The following SLC35F4 variants were observed in gnomAD, a reference collection of about 807,000 sequenced individuals.
The protein encoded by SLC35F4 is chromosome 14 open reading frame 36.
Under a neutral mutation model 44.2 loss-of-function variants are expected in SLC35F4, and 24 were observed. The ratio of observed to expected loss-of-function variants is 0.54; its 90% CI spans 0.39 to 0.76. The LOEUF (loss-of-function observed/expected upper bound fraction) is 0.76. SLC35F4 is among the 30% of genes least tolerant of loss of function. SLC35F4 has a pLI of 0.00. For synonymous variants in SLC35F4, 238 were observed against 223.6 expected, an observed-to-expected ratio of 1.06 and a Z score of -0.57; for missense variants, 562 against 586.1, an observed-to-expected ratio of 0.96 and a Z score of 0.42.
intron 1 of SLC35F4, among the ~76,000 whole-genome samples, chr14:57,613,275 C>G (rs1239668544): frequency 6.6e-6 from 1 of 152,128 alleles, no homozygotes; most frequent in Admixed American, 6.5e-5. Flanking sequence ...CTTACTAGAG[C>G]ATTTATATAA....
chr14:57,629,491 A>G (rs1202516783), intron 1 of SLC35F4, among the ~76,000 whole-genome samples: 2 of 152,176 alleles, frequency 1.3e-5, no homozygotes, highest in East Asian at 1.9e-4. Flanking sequence ...AGAACATACA[A>G]TATCTTCCAG....
At chr14:57,862,650 GATGTCC>G (rs1887782429) in intron 1 of SLC35F4, among the ~76,000 whole-genome samples, 1 of 152,170 alleles carries the variant, frequency 6.6e-6, no homozygotes, top group African/African-American at 2.4e-5. Context: ...TGTTCTTCTG[GATGTCC>G]ATATGGCTAA....
intron 1 of SLC35F4, among the ~76,000 whole-genome samples, chr14:57,843,970 A>G (rs141595140): frequency 0.019 from 2,918 of 152,224 alleles, 98 homozygotes; most frequent in African/African-American, 0.066. Flanking sequence ...CTACATGAAC[A>G]TGTACTCGTC....
chr14:57,939,551 T>C (rs1889878035), intron 1 of SLC35F4, among the ~76,000 whole-genome samples: 1 of 152,188 alleles, frequency 6.6e-6, no homozygotes, highest in South Asian at 2.1e-4. Context: ...ACCCTCTCCC[T>C]GCATATCCCT....
At chr14:57,617,704 G>A (rs1346780510) in intron 1 of SLC35F4, among the ~76,000 whole-genome samples, 1 of 152,160 alleles carries the variant, frequency 6.6e-6, no homozygotes, top group African/African-American at 2.4e-5. Context: ...GGTAGAGTGG[G>A]TCTGTATGAG....
intron 1 of SLC35F4, among the ~76,000 whole-genome samples, chr14:57,756,770 T>C (rs1431687814): frequency 6.6e-6 from 1 of 152,072 alleles, no homozygotes; most frequent in Non-Finnish European, 1.5e-5. Flanking sequence ...CCCTCCCATC[T>C]TGGCCTCCCA....
intron 1 of SLC35F4, among the ~76,000 whole-genome samples, chr14:57,697,930 T>C (rs948988297): frequency 6.6e-6 from 1 of 152,086 alleles, no homozygotes; most frequent in African/African-American, 2.4e-5. Context: ...AATAAATGAG[T>C]GCTTAAGACA....
At chr14:57,607,227 C>G (rs1325054402) in intron 1 of SLC35F4, among the ~76,000 whole-genome samples, 2 of 152,086 alleles carry the variant, frequency 1.3e-5, no homozygotes, top group Non-Finnish European at 2.9e-5. Context: ...ATGCCTTGTT[C>G]ATTAGCAGAA....
intron 1 of SLC35F4, among the ~76,000 whole-genome samples, chr14:57,926,825 GAT>G (rs1889584167): frequency 6.6e-6 from 1 of 151,896 alleles, no homozygotes; most frequent in Non-Finnish European, 1.5e-5. Flanking sequence ...ACTTGGAGAA[GAT>G]ATCACCAGTG....
intron 6 of SLC35F4, among the ~76,000 whole-genome samples, chr14:57,568,823 G>C (rs28373807): frequency 6.6e-6 from 1 of 152,206 alleles, no homozygotes; most frequent in African/African-American, 2.4e-5. Context: ...TGGGCAGAGG[G>C]AGTTGACCTC....
At chr14:57,830,784 G>A (rs969579008) in intron 1 of SLC35F4, among the ~76,000 whole-genome samples, 11 of 152,120 alleles carry the variant, frequency 7.2e-5, no homozygotes, top group Admixed American at 5.2e-4. Context: ...GGCTGGAGGT[G>A]TTGCAAGACA....
chr14:57,888,130 A>T (rs1888690444), intron 1 of SLC35F4, among the ~76,000 whole-genome samples: 1 of 152,178 alleles, frequency 6.6e-6, no homozygotes. Context: ...CTGTTTTTAC[A>T]CTTACTCAAG....
At chr14:57,783,162 T>C (rs1473517862) in intron 1 of SLC35F4, among the ~76,000 whole-genome samples, 1 of 152,030 alleles carries the variant, frequency 6.6e-6, no homozygotes, top group African/African-American at 2.4e-5. Context: ...TAGACTCTAA[T>C]ATGATGTGAG....
intron 1 of SLC35F4, among the ~76,000 whole-genome samples, chr14:57,674,363 A>G (rs187052300): frequency 6.6e-6 from 1 of 152,256 alleles, no homozygotes; most frequent in African/African-American, 2.4e-5. Flanking sequence ...CTACTTCATG[A>G]TGTCTACTTT....
At chr14:57,901,530 G>C (rs1889000912) in intron 1 of SLC35F4, among the ~76,000 whole-genome samples, 1 of 152,082 alleles carries the variant, frequency 6.6e-6, no homozygotes, top group African/African-American at 2.4e-5. Flanking sequence ...TAGTGTGGGT[G>C]GGGTAGGGGA....
intron 1 of SLC35F4, among the ~76,000 whole-genome samples, chr14:57,978,871 G>A (rs1331773112): frequency 2.6e-5 from 4 of 152,162 alleles, no homozygotes; most frequent in African/African-American, 9.7e-5. Context: ...TGCTCCTTTT[G>A]CCTCTAAACC....
At chr14:57,943,765 T>G (rs1889958400) in intron 1 of SLC35F4, among the ~76,000 whole-genome samples, 1 of 152,208 alleles carries the variant, frequency 6.6e-6, no homozygotes, top group South Asian at 2.1e-4. Context: ...TAATTCTAAA[T>G]CTTGAGAAAG....
chr14:57,730,734 T>C (rs1342887568), intron 1 of SLC35F4, among the ~76,000 whole-genome samples: 2 of 152,236 alleles, frequency 1.3e-5, no homozygotes, highest in Non-Finnish European at 2.9e-5. Flanking sequence ...CCCTGTTTCA[T>C]TATTTAGATC....
At chr14:57,723,737 T>G (rs1439402111) in intron 1 of SLC35F4, among the ~76,000 whole-genome samples, 2 of 152,210 alleles carry the variant, frequency 1.3e-5, no homozygotes, top group African/African-American at 4.8e-5. Context: ...GTATATCAAC[T>G]CTCCATCTTT....
Sources: gnomAD v4.1 joint callset for allele counts (sites outside exome capture counted in the v4.1 genomes callset) on GRCh38, gnomAD v4.1.1 for gene constraint, MANE v1.5 for transcripts, NCBI Gene and HGNC (gene_info 2026-07-23, HGNC 2026-07-21) for gene names.